Variants in COL4A5 observed in about 807,000 individuals in gnomAD.
COL4A5 encodes collagen alpha-5(IV) chain.
A neutral mutation model predicts 130.2 loss-of-function variants in COL4A5; 26 were observed. That is an observed-to-expected ratio of 0.20 (90% CI 0.15 to 0.28). The LOEUF (loss-of-function observed/expected upper bound fraction) is 0.28. Ranked by LOEUF, COL4A5 falls within the 10% of genes least tolerant of loss-of-function variation. The pLI is 1.00. For synonymous variants in COL4A5, 496 were observed against 439.6 expected, an observed-to-expected ratio of 1.13 and a Z score of -1.60; for missense variants, 1,131 against 1,344.3, an observed-to-expected ratio of 0.84 and a Z score of 2.48.
intron 1 of COL4A5, among the ~76,000 whole-genome samples, chrX:108,502,119 T>C (rs2065084887): frequency 8.9e-6 from 1 of 112,340 alleles, no homozygotes. Context: ...GTAGCTATCA[T>C]TCATAGGTGA....
chrX:108,557,794 G>A (rs186826695), intron 2 of COL4A5, among the ~76,000 whole-genome samples: 76 of 110,616 alleles, frequency 6.9e-4, no homozygotes, highest in South Asian at 1.9e-3. Flanking sequence ...ACTGTGGGTA[G>A]GATCTGTTAA....
chrX:108,529,896 C>T (rs769077373), intron 1 of COL4A5, among the ~76,000 whole-genome samples: 1 of 111,217 alleles, frequency 9.0e-6, no homozygotes, highest in Non-Finnish European at 1.9e-5. Context: ...CATACTGTAG[C>T]TTCCAGATTC....
chrX:108,625,644 T>C, intron 34 of COL4A5, 61 bp from the exon 35 acceptor site: 1 of 741,254 alleles, frequency 1.3e-6, no homozygotes, highest in Non-Finnish European at 2.1e-6. Context: ...TCCATTCCCA[T>C]GAAACCAGAC....
chrX:108,664,189 A>G (rs1356243897), intron 37 of COL4A5, among the ~76,000 whole-genome samples: 1 of 112,218 alleles, frequency 8.9e-6, no homozygotes, highest in African/African-American at 3.2e-5. Flanking sequence ...CATTACAAAA[A>G]GAAAAAAAAT....
At chrX:108,613,005 G>A (rs936494302) in intron 29 of COL4A5, among the ~76,000 whole-genome samples, 1 of 111,690 alleles carries the variant, frequency 9.0e-6, no homozygotes, top group Non-Finnish European at 1.9e-5. Flanking sequence ...TCAACAGAAA[G>A]GTAAGTCTTT....
At chrX:108,522,247 CTT>C (rs1569480611) in intron 1 of COL4A5, among the ~76,000 whole-genome samples, 1 of 109,453 alleles carries the variant, frequency 9.1e-6, no homozygotes, top group Non-Finnish European at 1.9e-5. Flanking sequence ...TTTTTTGACT[CTT>C]ATAAATAATG....
At chrX:108,688,611 A>G (rs2068592291) in intron 49 of COL4A5, among the ~76,000 whole-genome samples, 1 of 110,681 alleles carries the variant, frequency 9.0e-6, no homozygotes, top group South Asian at 3.8e-4. Flanking sequence ...TAATTTTTGT[A>G]TTTTTAGTAG....
chrX:108,506,117 A>G (rs187365584), intron 1 of COL4A5, among the ~76,000 whole-genome samples: 8 of 111,965 alleles, frequency 7.1e-5, no homozygotes, highest in African/African-American at 1.9e-4. Context: ...TGAGTCCTTT[A>G]ACAAGACTCT....
intron 2 of COL4A5, among the ~76,000 whole-genome samples, chrX:108,543,755 G>C (rs376363358): frequency 3.6e-5 from 4 of 111,989 alleles, no homozygotes; most frequent in Middle Eastern, 4.6e-3. Context: ...GAATGTTCTT[G>C]CATTTGTTTG....
intron 1 of COL4A5, among the ~76,000 whole-genome samples, chrX:108,537,311 A>T (rs955303544): frequency 1.8e-5 from 2 of 111,523 alleles, no homozygotes; most frequent in Non-Finnish European, 3.8e-5. Context: ...GAATAAATAG[A>T]CTATAAATTA....
At chrX:108,529,849 G>A (rs1384669360) in intron 1 of COL4A5, among the ~76,000 whole-genome samples, 1 of 110,414 alleles carries the variant, frequency 9.1e-6, no homozygotes, top group Non-Finnish European at 1.9e-5. Flanking sequence ...GAACAATCCA[G>A]CAAGAAGATA....
chrX:108,670,254 A>G lies in COL4A5; in HGVS notation c.3799+18A>G, dbSNP rs201371556. The G allele has an allele frequency of 5.1e-4, 622 of 1,208,960 alleles. No homozygotes were observed. The highest frequency in any genetic ancestry group is 5.8e-4 in the Non-Finnish European group (521 of 894,579). On this transcript the variant is annotated intron_variant, in intron 42 of 52. Transcript: ENST00000328300. The stretch of plus-strand genomic sequence containing the variant: ...TCCTACAGGTTAGCTCCTTAACTCC[A>G]AAGTAGTAACTGCATGAAGTTTGAA...
chrX:108,505,916 C>T (rs1176150402), intron 1 of COL4A5, among the ~76,000 whole-genome samples: 1 of 112,367 alleles, frequency 8.9e-6, no homozygotes, highest in African/African-American at 3.2e-5. Flanking sequence ...TATGTACTTA[C>T]CAGTTTTCAA....
chrX:108,680,812 AT>A lies in COL4A5; in HGVS notation c.4015+65del. On this transcript the variant is annotated intron_variant, in intron 45 of 52. Coordinates refer to ENST00000328300, the MANE Select transcript of COL4A5 (RefSeq NM_033380.3). Reference sequence around the variant, plus strand: ...TAAACTCCTCTGGGACAAGATAGCCATTTTCTGATTTGACTGGGTAAAGGTT... The same window carrying A: ...TAAACTCCTCTGGGACAAGATAGCCATTTCTGATTTGACTGGGTAAAGGTT... 6.8e-6 allele frequency: 8 copies of A among 1,184,564 alleles called. No homozygotes were observed. The South Asian group carries it at 1.4e-4, about 21-fold the overall frequency.
intron 2 of COL4A5, among the ~76,000 whole-genome samples, chrX:108,542,046 CT>C (rs889240184): frequency 8.9e-6 from 1 of 111,844 alleles, no homozygotes; most frequent in Admixed American, 9.5e-5. Flanking sequence ...AAAGGAAAAT[CT>C]CCTCATGATG....
At chrX:108,456,954 T>C (rs2064590567) in intron 1 of COL4A5, among the ~76,000 whole-genome samples, 2 of 111,415 alleles carry the variant, frequency 1.8e-5, no homozygotes, top group South Asian at 7.6e-4. Flanking sequence ...GTTACATTTT[T>C]CCCCATGGTA....
chrX:108,656,961 T>C (rs2067854698), intron 37 of COL4A5, among the ~76,000 whole-genome samples: 1 of 111,640 alleles, frequency 9.0e-6, no homozygotes, highest in African/African-American at 3.2e-5. Context: ...CAGATTTGCC[T>C]TTCCTAATGC....
intron 23 of COL4A5, 74 bp downstream of exon 23, chrX:108,597,142 A>G (rs1028907300): frequency 1.9e-5 from 17 of 887,153 alleles, no homozygotes; most frequent in Non-Finnish European, 2.4e-5. Flanking sequence ...TCAATTATTC[A>G]TATATATACA....
At chrX:108,575,387 T>C (rs1360057622) in intron 9 of COL4A5, among the ~76,000 whole-genome samples, 2 of 112,478 alleles carry the variant, frequency 1.8e-5, no homozygotes, top group Admixed American at 1.9e-4. Context: ...ATTTGTCTTA[T>C]GTTTATTTAC....
Sources: gnomAD v4.1 joint callset for allele counts (sites outside exome capture counted in the v4.1 genomes callset) on GRCh38, gnomAD v4.1.1 for gene constraint, MANE v1.5 for transcripts, NCBI Gene and HGNC (gene_info 2026-07-23, HGNC 2026-07-21) for gene names.